The following B4GALT6 variants were observed in gnomAD, a reference collection of about 807,000 sequenced individuals.
B4GALT6 encodes the protein UDP-Gal:beta-GlcNAc beta-1,4-galactosyltransferase 6.
Under a neutral mutation model 46.3 loss-of-function variants are expected in B4GALT6, and 14 were observed. That is an observed-to-expected ratio of 0.30 (90% CI 0.20 to 0.47). The LOEUF (loss-of-function observed/expected upper bound fraction) is 0.47. Among genes scored for constraint, B4GALT6 ranks in the 20% least tolerant of loss-of-function variants. The pLI is 0.99. For missense variants in B4GALT6, 386 were observed against 480.1 expected, an observed-to-expected ratio of 0.80 and a Z score of 1.83; for synonymous variants, 168 against 162.0, an observed-to-expected ratio of 1.04 and a Z score of -0.28.
At chr18:31,703,672 G>A in the B4GALT6 span, among the ~76,000 whole-genome samples, 2,957 of 152,356 alleles carry the variant, frequency 0.019, 51 homozygotes, top group Non-Finnish European at 0.03. Flanking sequence ...GGTTAAGCCA[G>A]TATTAGGAAA....
At chr18:31,709,210 T>C in the B4GALT6 span, among the ~76,000 whole-genome samples, 2 of 151,980 alleles carry the variant, frequency 1.3e-5, no homozygotes, top group African/African-American at 4.8e-5. Context: ...AAAAGAACTT[T>C]TAAAAATTCA....
chr18:31,684,285 G>A (rs534512099), intron 1 of B4GALT6, 27 bp downstream of exon 1: 4 of 1,612,592 alleles, frequency 2.5e-6, no homozygotes, highest in Admixed American at 1.7e-5. Context: ...GTGACCAGGG[G>A]AAGCGAGGGT....
intron 1 of B4GALT6, among the ~76,000 whole-genome samples, chr18:31,680,648 G>T (rs945701896): frequency 1.3e-5 from 2 of 152,216 alleles, no homozygotes; most frequent in South Asian, 4.1e-4. Context: ...CACTCCCAGG[G>T]AAGTTATGTA....
intron 4 of B4GALT6, among the ~76,000 whole-genome samples, chr18:31,639,746 T>C (rs957163393): frequency 2.6e-5 from 4 of 152,176 alleles, no homozygotes; most frequent in Non-Finnish European, 5.9e-5. Context: ...CTTAGTACGT[T>C]AATCTTTCTT....
chr18:31,697,281 A>G, the B4GALT6 span, among the ~76,000 whole-genome samples: 21 of 151,136 alleles, frequency 1.4e-4, no homozygotes, highest in African/African-American at 4.6e-4. Context: ...CCCTGAAAAA[A>G]AGAGAGAGAG....
chr18:31,700,338 T>C, the B4GALT6 span, among the ~76,000 whole-genome samples: 1 of 152,102 alleles, frequency 6.6e-6, no homozygotes, highest in Non-Finnish European at 1.5e-5. Flanking sequence ...TAATCAAGCA[T>C]GTAGATCTAA....
At position 31,629,447 on chromosome 18, in the gene B4GALT6, A is replaced by ATTT. The variant is rs869030382; in HGVS notation, c.776+1509_776+1511dup. 5.4e-3 allele frequency among the ~76,000 whole-genome samples: 177 copies of ATTT among 32,870 alleles called. 53 individuals carry two copies. The highest frequency in any genetic ancestry group is 6.0e-3 in the African/African-American group (64 of 10,748). 21.6% of individuals were successfully genotyped at this position (32,870 alleles called of 152,430 possible). On this transcript the variant is annotated intron_variant, in intron 6 of 8. Coordinates refer to ENST00000306851, the MANE Select transcript of B4GALT6 (RefSeq NM_004775.5). ...ATTCTTAGTTTATATGCCCTTTATG[A>ATTT]TTTTTTTTTTTTTTTTTTTTTTTTT...
At chr18:31,684,703 G>C (rs376794638), upstream of B4GALT6, 23 of 1,156,758 alleles carry the variant, frequency 2.0e-5, no homozygotes, top group African/African-American at 1.6e-5. Flanking sequence ...GCCCGGGGAC[G>C]GCAGGACGGA....
the B4GALT6 span, among the ~76,000 whole-genome samples, chr18:31,716,971 C>T: frequency 2.0e-5 from 3 of 151,872 alleles, no homozygotes; most frequent in East Asian, 1.9e-4. Flanking sequence ...GTGTGGTGGG[C>T]GCCTGTAATC....
chr18:31,684,238 G>A (rs2074514666), intron 1 of B4GALT6, 74 bp downstream of exon 1: 4 of 1,597,066 alleles, frequency 2.5e-6, no homozygotes, highest in South Asian at 2.2e-5. Context: ...CCAAATCCCA[G>A]AAGTAACATC....
chr18:31,661,394 G>A (rs1046939957), intron 2 of B4GALT6, among the ~76,000 whole-genome samples: 32 of 152,032 alleles, frequency 2.1e-4, no homozygotes, highest in African/African-American at 7.5e-4. Context: ...GAGTGAGCTA[G>A]GAGACTGTTA....
the B4GALT6 span, among the ~76,000 whole-genome samples, chr18:31,701,239 T>G: frequency 1.6e-3 from 240 of 152,210 alleles, no homozygotes; most frequent in Middle Eastern, 0.017. Flanking sequence ...GGTGAGTGAG[T>G]AAATTATCAC....
chr18:31,660,549 TA>T (rs1272638109), intron 2 of B4GALT6, among the ~76,000 whole-genome samples: 2 of 149,660 alleles, frequency 1.3e-5, no homozygotes, highest in African/African-American at 2.5e-5. Context: ...AGGGAGACAG[TA>T]ACAGTAAGAA....
At chr18:31,689,125 A>G (rs2030025987), upstream of B4GALT6, among the ~76,000 whole-genome samples, 1 of 152,114 alleles carries the variant, frequency 6.6e-6, no homozygotes, top group South Asian at 2.1e-4. Context: ...AAAACGAGAA[A>G]ATTAATGGAT....
At chr18:31,666,804 T>A (rs929554141) in intron 1 of B4GALT6, among the ~76,000 whole-genome samples, 1 of 151,194 alleles carries the variant, frequency 6.6e-6, no homozygotes, top group East Asian at 1.9e-4. Context: ...ATAAATCCCA[T>A]AATATCTAGT....
At chr18:31,631,190 ACTT>A (rs757785939) in intron 5 of B4GALT6, 44 bp from the exon 6 acceptor site, 3 of 1,431,004 alleles carry the variant, frequency 2.1e-6, no homozygotes, top group Non-Finnish European at 2.8e-6. Context: ...ATGTACTCAC[ACTT>A]CATCATCTTT....
chr18:31,673,363 G>C (rs887832822), intron 1 of B4GALT6, among the ~76,000 whole-genome samples: 3 of 152,168 alleles, frequency 2.0e-5, no homozygotes, highest in Non-Finnish European at 4.4e-5. Flanking sequence ...GAAGCAGAAG[G>C]TTAAGAAGGC....
chr18:31,675,531 A>G (rs542141525), intron 1 of B4GALT6, among the ~76,000 whole-genome samples: 1 of 152,242 alleles, frequency 6.6e-6, no homozygotes, highest in Admixed American at 6.5e-5. Context: ...CTAACAAAAG[A>G]TAACTATCAG....
chr18:31,662,467 A>C (rs2074229541), intron 2 of B4GALT6, among the ~76,000 whole-genome samples: 1 of 152,252 alleles, frequency 6.6e-6, no homozygotes, highest in Non-Finnish European at 1.5e-5. Context: ...ACAACATAGT[A>C]GGAACATACT....
Sources: allele counts gnomAD v4.1 joint callset (sites outside exome capture counted in the v4.1 genomes callset), GRCh38; gene constraint gnomAD v4.1.1; transcripts MANE v1.5; gene names NCBI Gene and HGNC (gene_info 2026-07-23, HGNC 2026-07-21).